Variants in EVI5L observed in about 807,000 individuals in gnomAD.
EVI5L encodes the protein ecotropic viral integration site 5 like.
Under a neutral mutation model 106.1 loss-of-function variants are expected in EVI5L, and 30 were observed. The ratio of observed to expected loss-of-function variants is 0.28; its 90% CI spans 0.21 to 0.38. EVI5L has a LOEUF of 0.38. Ranked by LOEUF, EVI5L falls within the 10% of genes least tolerant of loss-of-function variation. The pLI, the probability that EVI5L is intolerant of heterozygous loss-of-function variation, is 1.00. For missense variants in EVI5L, 809 were observed against 1,098.0 expected, an observed-to-expected ratio of 0.74 and a Z score of 3.72; for synonymous variants, 489 against 483.3, an observed-to-expected ratio of 1.01 and a Z score of -0.15.
chr19:7,851,244 G>A (rs556119824), intron 6 of EVI5L, among the ~76,000 whole-genome samples, 190 bp from the exon 7 acceptor site: 128 of 152,198 alleles, frequency 8.4e-4, no homozygotes, highest in Non-Finnish European at 1.1e-3. Context: ...CCCCCACCCC[G>A]TGCTACTCAA....
rs908799890 is a variant in EVI5L, at chr19:7,860,838, C to T, written c.1503+149C>T. 20 of 978,700 alleles carry T rather than the reference C, an allele frequency of 2.0e-5. No individual in the cohort carries two copies. In the African/African-American group the frequency reaches 3.0e-4, roughly 15 times the overall value. 60.6% of individuals were successfully genotyped at this position (978,700 alleles called of 1,614,324 possible). ...TATGCACACACACAGCACAACCCCACGCGGGGCATGCCCACGCTCCTGTAT... is the reference window on the plus strand; with the variant it reads ...TATGCACACACACAGCACAACCCCATGCGGGGCATGCCCACGCTCCTGTAT... On this transcript the variant is annotated intron_variant, in intron 14 of 19. Coordinates refer to ENST00000538904, the MANE Select transcript of EVI5L (RefSeq NM_001159944.3).
chr19:7,830,630 T>G (rs1978290380), intron 1 of EVI5L, among the ~76,000 whole-genome samples: 1 of 40,208 alleles, frequency 2.5e-5, no homozygotes, highest in African/African-American at 9.7e-5. Flanking sequence ...CCCCTCCCCA[T>G]GAGGACCCCG....
At chr19:7,849,871 A>G in intron 5 of EVI5L, 126 bp from the exon 6 acceptor site, 1 of 733,718 alleles carries the variant, frequency 1.4e-6, no homozygotes, top group Non-Finnish European at 2.3e-6. Flanking sequence ...ACAGTGTGTC[A>G]TGAGAGTCTA....
chr19:7,843,442 G>GTT (rs1978785373), intron 1 of EVI5L, among the ~76,000 whole-genome samples: 1 of 139,990 alleles, frequency 7.1e-6, no homozygotes, highest in South Asian at 2.3e-4. Flanking sequence ...GAGTGTGTGT[G>GTT]TATGGGTGTG....
intron 14 of EVI5L, among the ~76,000 whole-genome samples, chr19:7,861,278 G>C (rs961886046): frequency 4.6e-5 from 7 of 152,240 alleles, no homozygotes; most frequent in Admixed American, 4.6e-4. Flanking sequence ...GCCAAGAGCT[G>C]GGCTCCGCTC....
chr19:7,854,294 A>AG (rs1555693746), intron 10 of EVI5L, among the ~76,000 whole-genome samples: 2 of 128,880 alleles, frequency 1.6e-5, no homozygotes, highest in East Asian at 5.0e-4. Context: ...AAAAAAAAAA[A>AG]AAAGAAAAGA....
chr19:7,856,127 G>A lies in EVI5L; in HGVS notation c.1200+59G>A, dbSNP rs1212993701. The A allele has an allele frequency of 1.5e-6, 2 of 1,297,784 alleles. No individual in the cohort carries two copies. Among genetic ancestry groups the A allele is most frequent in the Non-Finnish European group, 2.0e-6 (2 of 1,007,598 alleles). The allele number at this position is 1,297,784 out of a possible 1,614,324, so 80.4% of individuals were successfully genotyped here. On this transcript the variant is annotated intron_variant, in intron 11 of 19. Transcript: ENST00000538904. The surrounding 1 kb of genome is among the most constrained non-coding windows in gnomAD (Gnocchi z 6.6). ...CCATGGGGTGTGACCCACCATGCGG[G>A]GCATGGCCGCTAACCTGGGGTGGAC...
At chr19:7,846,990 A>AC (rs1256745408) in intron 2 of EVI5L, among the ~76,000 whole-genome samples, 1 of 151,862 alleles carries the variant, frequency 6.6e-6, no homozygotes, top group African/African-American at 2.4e-5. Flanking sequence ...CTCTGACCCT[A>AC]CCCCCATTTA....
At chr19:7,836,150 G>A (rs1978336524) in intron 1 of EVI5L, among the ~76,000 whole-genome samples, 1 of 151,816 alleles carries the variant, frequency 6.6e-6, no homozygotes, top group East Asian at 1.9e-4. Flanking sequence ...GGGAGGAGAA[G>A]TGCTTGAACC....
At position 7,845,811 on chromosome 19, in the gene EVI5L, G is replaced by A. The variant is rs369328833; in HGVS notation, c.-47-685G>A. 8.5e-5 allele frequency among the ~76,000 whole-genome samples: 13 copies of A among 152,336 alleles called. No homozygotes were observed. The South Asian group carries it at 1.7e-3, about 19-fold the overall frequency. On this transcript the variant is annotated intron_variant, in intron 1 of 19. Coordinates refer to ENST00000538904, the MANE Select transcript of EVI5L (RefSeq NM_001159944.3). The surrounding 1 kb of genome is among the most constrained non-coding windows in gnomAD (Gnocchi z 4.0). ...GATGTGCCTGGGACTCACCTGGCAC[G>A]TGGCAGGCCAAGATCTGGATACGGA...
rs1026027066 is a variant in EVI5L at position 7,853,406 on chromosome 19, C to T, written c.1146+73C>T. The T allele has an allele frequency of 2.6e-6, 4 of 1,550,472 alleles. No individual in the cohort carries two copies. The Admixed American group carries it at 5.9e-5, about 23-fold the overall frequency. On this transcript the variant is annotated intron_variant, in intron 10 of 19. Coordinates refer to ENST00000538904, the MANE Select transcript of EVI5L (RefSeq NM_001159944.3). Reference sequence around the variant, plus strand: ...GGGCTGCCCTCCGTACTCTAAAGATCGGCCGCTAGGGGGCGGGCCTTCCCA... The same window carrying T: ...GGGCTGCCCTCCGTACTCTAAAGATTGGCCGCTAGGGGGCGGGCCTTCCCA...
rs568926089 is a variant in EVI5L, at chr19:7,848,573, G to A, written c.328-348G>A. On this transcript the variant is annotated intron_variant, in intron 3 of 19. Transcript: ENST00000538904. This position sits in a 1 kb window ranked among gnomAD's most constrained non-coding sequence, Gnocchi z 4.8. ...AGATCACGCCACTGCACTCCGGCGT[G>A]GGCAACAGAGTGAGACTCCATCTCA... 2.0e-5 allele frequency among the ~76,000 whole-genome samples: 3 copies of A among 151,702 alleles called. No individual in the cohort carries two copies. The highest frequency in any genetic ancestry group is 2.9e-5 in the Non-Finnish European group (2 of 67,942).
chr19:7,847,732 G>A lies in EVI5L; in HGVS notation c.138G>A (p.Arg46=), dbSNP rs1979022960. ...CCCTCTGTCGGCCCTTCCTGCCCAG[G>A]CTCCTGGAGGCCGACTCCAAGTCCA... ...ELLAKLEEQN[R]LLEADSKSMR... The change falls in exon 3 of 20, where the codon CGG becomes CGA. Residue 46 remains arginine, a splice_region_variant and synonymous_variant. Transcript: ENST00000538904. 1.9e-6 allele frequency: 3 copies of A among 1,610,522 alleles called. No individual in the cohort carries two copies. The African/African-American group carries it at 4.0e-5, about 22-fold the overall frequency.
At chr19:7,853,375 C>G (rs1367092865) in intron 10 of EVI5L, 42 bp downstream of exon 10, 1 of 1,583,012 alleles carries the variant, frequency 6.3e-7, no homozygotes, top group East Asian at 2.3e-5. Context: ...GATGGGAGGC[C>G]TTTGGGGGCT....
chr19:7,853,027 G>A (rs896520690), intron 8 of EVI5L, 59 bp from the exon 9 acceptor site: 8 of 1,584,618 alleles, frequency 5.0e-6, no homozygotes, highest in African/African-American at 2.7e-5. Context: ...GGGCTCGGGC[G>A]GCCCCCGGTG....
intron 2 of EVI5L, among the ~76,000 whole-genome samples, chr19:7,846,936 C>G (rs377763950): frequency 6.6e-6 from 1 of 152,194 alleles, no homozygotes; most frequent in Admixed American, 6.5e-5. Flanking sequence ...GTTAATGGAG[C>G]CAGGACTGGA....
chr19:7,862,534 G>C lies in EVI5L; in HGVS notation c.1947G>C (p.Lys649Asn), dbSNP rs574927720. 6.8e-7 allele frequency: 1 copy of C among 1,470,994 alleles called. No individual in the cohort carries two copies. Among genetic ancestry groups the C allele is most frequent in the Non-Finnish European group, 9.0e-7 (1 of 1,109,772 alleles). The allele number at this position is 1,470,994 out of a possible 1,614,324, so 91.1% of individuals were successfully genotyped here. Residue 649 changes from lysine (K) to asparagine (N), a missense_variant and splice_region_variant, in exon 17 of 20, where the codon AAG becomes AAC. By Grantham distance (94) the Lys-to-Asn change is moderately conservative. Transcript: ENST00000538904. ...GCAAGCAGGCCGAGGCCGAGTGCAA[G>C]GTGCAGACCCCCGCGGCCCCGCCCT... The part of the protein sequence containing the change: ...SRRKQAEAEC[K>N]SKEEVMAVRL...
At position 7,834,555 on chromosome 19, in the gene EVI5L, C is replaced by T. The variant is rs570043784; in HGVS notation, c.-48+4174C>T. Among the ~76,000 whole-genome samples the T allele has an allele frequency of 2.6e-5, 4 of 152,222 alleles. No individual in the cohort carries two copies. In the South Asian group the frequency reaches 8.3e-4, roughly 32 times the overall value. The stretch of plus-strand genomic sequence containing the variant: ...ATCAATAAAGATTATTCTAGTTTTA[C>T]TGTGTTTACTCTTTAAACAGGATCA... On this transcript the variant is annotated intron_variant, in intron 1 of 19. Coordinates refer to ENST00000538904, the MANE Select transcript of EVI5L (RefSeq NM_001159944.3).
At position 7,835,884 on chromosome 19, in the gene EVI5L, G is replaced by A. The variant is rs1200999018; in HGVS notation, c.-48+5503G>A. 6.6e-6 allele frequency among the ~76,000 whole-genome samples: 1 copy of A among 152,206 alleles called. No homozygotes were observed. Among genetic ancestry groups the A allele is most frequent in the East Asian group, 1.9e-4 (1 of 5,204 alleles). ...AAATCGGGGTCACATGGCATCTTGG[G>A]CTTTAGATTCCGAAATGAGTCTGTG... On this transcript the variant is annotated intron_variant, in intron 1 of 19. Coordinates refer to ENST00000538904, the MANE Select transcript of EVI5L (RefSeq NM_001159944.3). This position sits in a 1 kb window ranked among gnomAD's most constrained non-coding sequence, Gnocchi z 4.1.
Sources: gnomAD v4.1 joint callset for allele counts (sites outside exome capture counted in the v4.1 genomes callset) on GRCh38, gnomAD v4.1.1 for gene constraint, Gnocchi (gnomAD v3.1) non-coding constraint, MANE v1.5 for transcripts, NCBI Gene and HGNC (gene_info 2026-07-23, HGNC 2026-07-21) for gene names.